MED12L: variants seen among roughly 807,000 people sequenced by gnomAD.
MED12L encodes mediator complex subunit 12L.
MED12L carries 60 observed loss-of-function variants against 281.3 expected under a neutral mutation model. That is an observed-to-expected ratio of 0.21 (90% CI 0.17 to 0.26). MED12L has a LOEUF of 0.26. Among genes scored for constraint, MED12L ranks in the 10% least tolerant of loss-of-function variants. The probability of loss-of-function intolerance (pLI) is 1.00; values close to 1 mark genes in which losing one functional copy is unlikely to be tolerated. For synonymous variants in MED12L, 974 were observed against 987.2 expected, an observed-to-expected ratio of 0.99 and a Z score of 0.25; for missense variants, 2,146 against 2,680.9, an observed-to-expected ratio of 0.80 and a Z score of 4.41.
chr3:151,365,956 G>A lies in MED12L; in HGVS notation c.3292G>A (p.Val1098Met), dbSNP rs780010525. ...GGCTCTTTGTTGTTCTTCAAATCAC[G>A]TGTGGGGGTTTAATGATGTACTTTG... is the stretch of plus-strand genomic sequence containing the variant. ...LKALCCSSNH[V>M]WGFNDVLCTV... is the part of the protein sequence containing the mutation. Residue 1098 changes from valine (V) to methionine (M), a missense_variant, in exon 23 of 45, where the codon GTG (valine) becomes ATG (methionine). Physicochemically the swap from Val to Met is conservative, Grantham distance 21. This residue lies in a region of MED12L where 404 missense variants were observed against 603.5 expected (regional missense o/e 0.67). Transcript: ENST00000687756. 1.4e-5 allele frequency: 22 copies of A among 1,612,544 alleles called. No individual in the cohort carries two copies. The highest frequency in any genetic ancestry group is 1.6e-4 in the Middle Eastern group (1 of 6,076).
intron 11 of MED12L, among the ~76,000 whole-genome samples, chr3:151,184,042 T>C (rs1004370051): frequency 6.6e-6 from 1 of 152,268 alleles, no homozygotes; most frequent in African/African-American, 2.4e-5. Context: ...TTTTAAATGT[T>C]ATGTTCAAAC....
chr3:151,181,836 TTGCCTCCTG>T (rs1228180263), intron 11 of MED12L, among the ~76,000 whole-genome samples: 1 of 152,054 alleles, frequency 6.6e-6, no homozygotes, highest in Non-Finnish European at 1.5e-5. Context: ...TCTGCCTCCT[TTGCCTCCTG>T]AAGTGTGGGA....
At chr3:151,307,010 C>T (rs2149754751) in intron 16 of MED12L, among the ~76,000 whole-genome samples, 2 of 152,294 alleles carry the variant, frequency 1.3e-5, no homozygotes, top group East Asian at 3.9e-4. Flanking sequence ...TTCTGAAAAG[C>T]TATACTGAAC....
chr3:151,432,734 AT>A lies in MED12L; in HGVS notation c.6491-15del, dbSNP rs751723132. 20 of 1,609,258 alleles carry A rather than the reference AT, an allele frequency of 1.2e-5. No individual in the cohort carries two copies. The highest frequency in any genetic ancestry group is 1.7e-5 in the Non-Finnish European group (20 of 1,176,954). On this transcript the variant is annotated splice_polypyrimidine_tract_variant and intron_variant, in intron 44 of 44. Transcript: ENST00000687756. ...GTTTTGTGTCTGTAATTTTGGTTCA[AT>A]TTATTTTTCTCCTTAGGCAACCAGC... is the stretch of plus-strand genomic sequence containing the variant.
intron 36 of MED12L, among the ~76,000 whole-genome samples, chr3:151,387,194 G>A (rs1713533537): frequency 7.6e-6 from 1 of 131,344 alleles, no homozygotes; most frequent in Admixed American, 7.6e-5. Flanking sequence ...TAAAAAGAGG[G>A]TAACCGTTTT....
intron 16 of MED12L, among the ~76,000 whole-genome samples, chr3:151,279,176 AG>A (rs1374428101): frequency 2.0e-5 from 3 of 152,242 alleles, no homozygotes; most frequent in Non-Finnish European, 4.4e-5. Flanking sequence ...AAAGAAGACA[AG>A]GGGCTGAAAA....
intron 43 of MED12L, among the ~76,000 whole-genome samples, chr3:151,424,153 T>C (rs1019069630): frequency 1.3e-5 from 2 of 152,220 alleles, no homozygotes; most frequent in African/African-American, 4.8e-5. Context: ...CCAGAGAACA[T>C]TGAGCTACGT....
chr3:151,122,804 A>T lies in MED12L; in HGVS notation c.226A>T (p.Ile76Leu). 3 of 1,605,426 alleles carry T rather than the reference A, an allele frequency of 1.9e-6. No homozygotes were observed. ...ACAGATTGGAGCTTATTTTAGCAGC[A>T]TATTAGCTGAGAAACTGAAGCTTAA... The part of the protein sequence containing the change: ...PSKIGAYFSS[I>L]LAEKLKLNTF... Residue 76 changes from isoleucine (I) to leucine (L), a missense_variant, in exon 4 of 45, where the codon ATA becomes TTA. By Grantham distance (5) the Ile-to-Leu change is conservative. Around this residue, in one of 9 missense-constraint regions of MED12L, gnomAD observed 722 missense variants for 861.2 expected, o/e 0.84. Transcript: ENST00000687756.
intron 40 of MED12L, among the ~76,000 whole-genome samples, chr3:151,410,456 TC>T (rs1050362985): frequency 7.9e-5 from 12 of 152,220 alleles, no homozygotes; most frequent in Non-Finnish European, 1.3e-4. Context: ...TTCTCTGTCT[TC>T]CAAGTCAGAG....
At position 151,247,205 on chromosome 3, in the gene MED12L, C is replaced by T. The variant is rs554522737; in HGVS notation, c.2250+53539C>T. Among the ~76,000 whole-genome samples, 714 of 152,052 alleles carry T rather than the reference C, an allele frequency of 4.7e-3. 3 individuals are homozygous for T. Among genetic ancestry groups the T allele is most frequent in the Non-Finnish European group, 7.2e-3 (487 of 67,944 alleles). ...TCAACCATTGTGGAAGTCAGTGTGG[C>T]GATTCCTCAGGGATCTAGAACTGGA... On this transcript the variant is annotated intron_variant, in intron 16 of 44. Transcript: ENST00000687756.
At chr3:151,373,815 C>T (rs1265962023) in intron 27 of MED12L, among the ~76,000 whole-genome samples, 6 of 152,072 alleles carry the variant, frequency 3.9e-5, no homozygotes, top group Admixed American at 1.3e-4. Flanking sequence ...TTCTCTGCCC[C>T]GGGCCTGGAA....
chr3:151,364,209 C>G (rs1452327145), intron 21 of MED12L, among the ~76,000 whole-genome samples: 1 of 152,136 alleles, frequency 6.6e-6, no homozygotes, highest in Admixed American at 6.6e-5. Flanking sequence ...TTCTGCCAGT[C>G]TCATTCACAG....
chr3:151,159,970 A>C lies in MED12L; in HGVS notation c.976A>C (p.Asn326His). The change falls in exon 8 of 45, where the codon AAC becomes CAC. Residue 326 changes from asparagine to histidine, a missense_variant. By Grantham distance (68) the Asn-to-His change is moderately conservative. Transcript: ENST00000687756. ...ACCCCACATGATGATAGGACCAAAC[A>C]ACTCGAGTATCGGGGCCCCCAGCCC... ...HSPHMMIGPN[N>H]SSIGAPSPGP... 1.2e-6 allele frequency: 2 copies of C among 1,614,128 alleles called. No homozygotes were observed. Among genetic ancestry groups the C allele is most frequent in the Non-Finnish European group, 1.7e-6 (2 of 1,180,014 alleles).
chr3:151,255,032 GTAT>G (rs1045576784), intron 16 of MED12L, among the ~76,000 whole-genome samples: 41 of 152,136 alleles, frequency 2.7e-4, no homozygotes, highest in African/African-American at 9.9e-4. Flanking sequence ...TATAAATATA[GTAT>G]TATACTCATA....
At position 151,386,570 on chromosome 3, in the gene MED12L, T is replaced by C. The variant is rs1252196227; in HGVS notation, c.5089-1240T>C. 7.2e-5 allele frequency among the ~76,000 whole-genome samples: 10 copies of C among 138,410 alleles called. No homozygotes were observed. The Admixed American group carries it at 7.4e-4, about 10-fold the overall frequency. The allele number at this position is 138,410 out of a possible 152,430, so 90.8% of individuals were successfully genotyped here. A position where few individuals can be genotyped will look rare whatever the true frequency, so the allele number is the denominator to read the frequency against. On this transcript the variant is annotated intron_variant, in intron 36 of 44. Coordinates refer to ENST00000687756, the MANE Select transcript of MED12L (RefSeq NM_001393769.1). ...AGGCCCAGCTAATTTTTTTTTGTTT[T>C]TGTCTTTGTTTTTTTTTTTTTTTCA...
At position 151,420,896 on chromosome 3, in the gene MED12L, G is replaced by A. The variant is rs115473997; in HGVS notation, c.6408+4474G>A. Among the ~76,000 whole-genome samples, 1,302 of 152,296 alleles carry A rather than the reference G, an allele frequency of 8.5e-3. 23 individuals are homozygous for A. The highest frequency in any genetic ancestry group is 0.03 in the African/African-American group (1,226 of 41,558). Reference sequence around the variant, plus strand: ...GTTCAGGATAGGCAAACCCACATCCGGAGTAAGTGTCTTCCAGTGAGGACA... The same window carrying A: ...GTTCAGGATAGGCAAACCCACATCCAGAGTAAGTGTCTTCCAGTGAGGACA... On this transcript the variant is annotated intron_variant, in intron 43 of 44. Transcript: ENST00000687756.
At chr3:151,231,132 A>T (rs986359353) in intron 16 of MED12L, among the ~76,000 whole-genome samples, 10 of 152,236 alleles carry the variant, frequency 6.6e-5, no homozygotes, top group Admixed American at 5.9e-4. Context: ...GTTTATGGTG[A>T]TATTAAAAGT....
rs1406565726 is a variant in MED12L, at chr3:151,433,859, G to A, written c.*1055G>A. On this transcript the variant is annotated 3_prime_UTR_variant, in exon 45 of 45. Transcript: ENST00000687756. ...TCAGTGTCAGTCTTGGTTGTGTATT[G>A]CATATACTGTATTTATAAATTGGTG... The A allele has an allele frequency of 1.3e-5, 2 of 152,590 alleles. No individual in the cohort carries two copies. The highest frequency in any genetic ancestry group is 4.8e-5 in the African/African-American group (2 of 41,428). The allele number at this position is 152,590 out of a possible 1,614,324, so 9.5% of individuals were successfully genotyped here.
At chr3:151,294,166 G>A in intron 16 of MED12L, 3 of 1,501,626 alleles carry the variant, frequency 2.0e-6, no homozygotes, top group Non-Finnish European at 2.8e-6. Flanking sequence ...AACAATAAAA[G>A]GCCTACACAT....
Sources: gnomAD v4.1 joint callset for allele counts (sites outside exome capture counted in the v4.1 genomes callset) on GRCh38, gnomAD v4.1.1 for gene constraint, gnomAD v4.1.1 regional missense constraint, MANE v1.5 for transcripts, NCBI Gene and HGNC (gene_info 2026-07-23, HGNC 2026-07-21) for gene names.